LRRC7: variants seen among roughly 807,000 people sequenced by gnomAD.
The protein encoded by LRRC7 is leucine rich repeat containing 7, also known as leucine-rich repeat-containing protein 7.
Under a neutral mutation model 175.7 loss-of-function variants are expected in LRRC7, and 23 were observed. That is an observed-to-expected ratio of 0.13 (90% CI 0.09 to 0.19). LRRC7 has a LOEUF of 0.19. LRRC7 is among the 10% of genes least tolerant of loss of function. LRRC7 has a pLI of 1.00. For synonymous variants in LRRC7, 685 were observed against 680.9 expected (o/e 1.01, Z -0.09); for missense variants, 1,354 against 1,904.7 (o/e 0.71, Z 5.38).
At chr1:69,817,055 ATATAT>A (rs997556784) in intron 4 of LRRC7, among the ~76,000 whole-genome samples, 5 of 151,952 alleles carry the variant, frequency 3.3e-5, no homozygotes, top group Admixed American at 2.0e-4. Flanking sequence ...TAAGATATAC[ATATAT>A]TATATGTATG....
At chr1:70,089,660 TAC>T (rs1343797152) in intron 24 of LRRC7, 65 bp from the exon 25 acceptor site, 28 of 1,073,866 alleles carry the variant, frequency 2.6e-5, no homozygotes, top group Non-Finnish European at 3.9e-5. Flanking sequence ...TCTACTGAAA[TAC>T]AGTTATTTGA....
chr1:70,096,692 C>A (rs1003345267), intron 25 of LRRC7, among the ~76,000 whole-genome samples: 3 of 152,102 alleles, frequency 2.0e-5, no homozygotes, highest in South Asian at 2.1e-4. Context: ...GACTTGGCAA[C>A]CTTTGCTTAT....
intron 11 of LRRC7, among the ~76,000 whole-genome samples, chr1:69,997,479 A>C (rs1347950752): frequency 2.0e-5 from 3 of 151,644 alleles, no homozygotes; most frequent in Non-Finnish European, 4.4e-5. Context: ...GTCTTGTGCC[A>C]GTTTTCAAAG....
At chr1:69,831,013 G>A (rs1047498019) in intron 5 of LRRC7, among the ~76,000 whole-genome samples, 4 of 151,632 alleles carry the variant, frequency 2.6e-5, no homozygotes, top group African/African-American at 7.3e-5. Flanking sequence ...CAAAGAAGAA[G>A]CAAAAAAGAA....
intron 5 of LRRC7, among the ~76,000 whole-genome samples, chr1:69,832,961 AG>A: frequency 6.6e-6 from 1 of 152,006 alleles, no homozygotes; most frequent in African/African-American, 2.4e-5. Context: ...AAAAATTAGC[AG>A]GGCGTGGTGG....
chr1:69,687,173 C>A (rs956266772), intron 2 of LRRC7, among the ~76,000 whole-genome samples: 2 of 151,882 alleles, frequency 1.3e-5, no homozygotes, highest in Admixed American at 6.6e-5. Context: ...CAAATAAATT[C>A]TTGTTAGCAT....
intron 23 of LRRC7, among the ~76,000 whole-genome samples, chr1:70,067,797 G>A (rs2102104387): frequency 6.6e-6 from 1 of 152,174 alleles, no homozygotes; most frequent in African/African-American, 2.4e-5. Context: ...TCATCAGCAT[G>A]TAAGTATAGT....
At chr1:69,837,564 T>G (rs892323754) in intron 6 of LRRC7, among the ~76,000 whole-genome samples, 1 of 151,864 alleles carries the variant, frequency 6.6e-6, no homozygotes, top group African/African-American at 2.4e-5. Context: ...TTTTTTTAAC[T>G]CTATGCTATA....
intron 7 of LRRC7, among the ~76,000 whole-genome samples, chr1:69,881,963 G>T (rs780534795): frequency 3.7e-5 from 5 of 134,606 alleles, no homozygotes; most frequent in Admixed American, 7.7e-5. Context: ...TATCTAATAA[G>T]AAGTTAATAT....
chr1:70,011,138 A>G (rs1042690330), intron 11 of LRRC7, among the ~76,000 whole-genome samples: 1 of 152,180 alleles, frequency 6.6e-6, no homozygotes, highest in Non-Finnish European at 1.5e-5. Context: ...GCAGGCTGAA[A>G]TGAGCCCTGT....
intron 25 of LRRC7, among the ~76,000 whole-genome samples, chr1:70,100,826 A>G (rs1664754369): frequency 6.6e-6 from 1 of 152,024 alleles, no homozygotes; most frequent in Admixed American, 6.6e-5. Flanking sequence ...CTTAACTTCT[A>G]ATTGCCATAG....
chr1:69,939,804 G>A (rs1364466608), intron 8 of LRRC7, among the ~76,000 whole-genome samples: 1 of 152,160 alleles, frequency 6.6e-6, no homozygotes, highest in Middle Eastern at 3.4e-3. Flanking sequence ...CAAACAGATC[G>A]ATCAATTCTC....
Position 69,993,701 on chromosome 1 carries a change from A to AT in LRRC7, c.932-850dup, listed in dbSNP as rs954417486. Among the ~76,000 whole-genome samples, 74 of 150,638 alleles carry AT rather than the reference A, an allele frequency of 4.9e-4. 1 individual carries two copies. Among genetic ancestry groups the AT allele is most frequent in the African/African-American group, 3.4e-4 (14 of 41,164 alleles). ...GAAACTTACTATGTCAATTAGTAAA[A>AT]TTTTTTTTTTGCAGAATGCAGCAAT... On this transcript the variant is annotated intron_variant, in intron 10 of 26. Transcript: ENST00000651989.
Position 69,825,776 on chromosome 1 carries a change from G to A in LRRC7, c.450G>A (p.Lys150=). The stretch of plus-strand genomic sequence containing the variant: ...TACAAGAATTTCCAGAAAACATAAA[G>A]TGCTGTAAGTGTTTAACAATTATTG... ...NGVQEFPENI[K]CCKCLTIIEA... Residue 150 remains lysine (K), a synonymous_variant, in exon 5 of 27, where the codon AAG becomes AAA. Transcript: ENST00000651989. The A allele has an allele frequency of 6.2e-7, 1 of 1,605,828 alleles. No homozygotes were observed.
intron 26 of LRRC7, among the ~76,000 whole-genome samples, chr1:70,117,525 A>G (rs1571369740): frequency 6.6e-6 from 1 of 152,212 alleles, no homozygotes; most frequent in African/African-American, 2.4e-5. Flanking sequence ...TGTCTAAATC[A>G]TGAAAAGAGA....
rs766612230 is a variant in LRRC7 at position 70,039,208 on chromosome 1, G to A, written c.3384G>A (p.Gln1128=). The A allele has an allele frequency of 3.1e-6, 5 of 1,613,986 alleles. No individual in the cohort carries two copies. Among genetic ancestry groups the A allele is most frequent in the Middle Eastern group, 1.6e-4 (1 of 6,082 alleles). Residue 1128 remains glutamine (Q), a synonymous_variant, in exon 21 of 27, where the codon CAG becomes CAA. Transcript: ENST00000651989. The part of the protein sequence containing the change: ...PPMEQMFSFS[Q]PSVNEDAVVN... ...TGGAGCAAATGTTTTCATTTTCTCA[G>A]CCATCTGTGAATGAGGATGCTGTGG...
At chr1:69,832,956 T>A (rs1680692153) in intron 5 of LRRC7, among the ~76,000 whole-genome samples, 1 of 151,918 alleles carries the variant, frequency 6.6e-6, no homozygotes, top group South Asian at 2.1e-4. Flanking sequence ...AATACAAAAA[T>A]TAGCAGGGCG....
At position 70,121,929 on chromosome 1, in the gene LRRC7, A is replaced by G. The variant is rs751860230; in HGVS notation, c.*42A>G. On this transcript the variant is annotated 3_prime_UTR_variant, in exon 27 of 27. Coordinates refer to ENST00000651989, the MANE Select transcript of LRRC7 (RefSeq NM_001370785.2). ...GTGAAGATACGTCTAGCCAGACCTAATGTTCAAAAATAAATTTATACATAG... is the reference window on the plus strand; with the variant it reads ...GTGAAGATACGTCTAGCCAGACCTAGTGTTCAAAAATAAATTTATACATAG... 1.1e-5 allele frequency: 15 copies of G among 1,392,318 alleles called. No individual in the cohort carries two copies. The highest frequency in any genetic ancestry group is 4.6e-5 in the East Asian group (2 of 43,566). The allele number at this position is 1,392,318 out of a possible 1,614,324, so 86.2% of individuals were successfully genotyped here.
At chr1:69,672,063 G>A (rs888626561) in intron 1 of LRRC7, among the ~76,000 whole-genome samples, 8 of 152,070 alleles carry the variant, frequency 5.3e-5, no homozygotes, top group Non-Finnish European at 1.2e-4. Context: ...CAACATGCAG[G>A]TTTGTTACAT....
Sources: gnomAD v4.1 joint callset for allele counts (sites outside exome capture counted in the v4.1 genomes callset) on GRCh38, gnomAD v4.1.1 for gene constraint, MANE v1.5 for transcripts, NCBI Gene and HGNC (gene_info 2026-07-23, HGNC 2026-07-21) for gene names.